CD109: variants seen among roughly 807,000 people sequenced by gnomAD.
CD109 encodes the protein CD109 molecule, also known as CD109 antigen.
A neutral mutation model predicts 165.8 loss-of-function variants in CD109; 149 were observed. The observed-to-expected ratio is 0.90, with a 90% CI of 0.79 to 1.03. CD109 has a LOEUF of 1.03. CD109 is among the 50% of genes least tolerant of loss of function. The probability of loss-of-function intolerance (pLI) is 0.00; values close to 1 mark genes in which losing one functional copy is unlikely to be tolerated. For synonymous variants in CD109, 585 were observed against 592.1 expected (o/e 0.99, Z 0.18); for missense variants, 1,712 against 1,677.8 (o/e 1.02, Z -0.36).
chr6:73,707,402 T>TGGA (rs1771319975), intron 2 of CD109, among the ~76,000 whole-genome samples: 1 of 150,720 alleles, frequency 6.6e-6, no homozygotes, highest in African/African-American at 2.4e-5. Context: ...TAAATGAGAG[T>TGGA]GGAGTAAGCT....
At chr6:73,690,997 C>G (rs958090729), upstream of CD109, among the ~76,000 whole-genome samples, 1 of 152,106 alleles carries the variant, frequency 6.6e-6, no homozygotes, top group African/African-American at 2.4e-5. Flanking sequence ...CCTCTCACCC[C>G]TTCTCCAGGG....
chr6:73,695,837 G>A (rs1770799547), upstream of CD109: 1 of 284,694 alleles, frequency 3.5e-6, no homozygotes, highest in Non-Finnish European at 6.7e-6. Flanking sequence ...CTCACCCTGG[G>A]CATCGTTGGT....
At chr6:73,807,467 A>T (rs1775608551) in intron 25 of CD109, among the ~76,000 whole-genome samples, 1 of 152,156 alleles carries the variant, frequency 6.6e-6, no homozygotes, top group Non-Finnish European at 1.5e-5. Context: ...GAACAGTTAC[A>T]ATATCTGTTA....
chr6:73,823,658 ACAC>A lies in CD109; in HGVS notation c.*26_*28del. On this transcript the variant is annotated 3_prime_UTR_variant, in exon 33 of 33. Coordinates refer to ENST00000287097, the MANE Select transcript of CD109 (RefSeq NM_133493.5). Reference sequence around the variant, plus strand: ...ATTTATTTTTAAAGGACTCTGTGTAACACTAACATTTCCAGTAGTCACATGTGA... The same window carrying A: ...ATTTATTTTTAAAGGACTCTGTGTAATAACATTTCCAGTAGTCACATGTGA... The A allele has an allele frequency of 6.4e-7, 1 of 1,571,104 alleles. No individual in the cohort carries two copies. The highest frequency in any genetic ancestry group is 8.7e-7 in the Non-Finnish European group (1 of 1,149,622).
At chr6:73,748,783 G>A (rs1226353633) in intron 5 of CD109, among the ~76,000 whole-genome samples, 1 of 152,150 alleles carries the variant, frequency 6.6e-6, no homozygotes, top group Non-Finnish European at 1.5e-5. Context: ...GACCACAGGT[G>A]TTTAGACTCT....
At chr6:73,696,024 G>A, upstream of CD109, 2 of 576,926 alleles carry the variant, frequency 3.5e-6, no homozygotes, top group Admixed American at 2.8e-5. Flanking sequence ...ATTGTAATGG[G>A]GATGGGAGGG....
At chr6:73,690,752 T>A in the CD109 span, among the ~76,000 whole-genome samples, 1 of 152,202 alleles carries the variant, frequency 6.6e-6, no homozygotes, top group Non-Finnish European at 1.5e-5. Context: ...GAGGAAATGC[T>A]TATGATGGAA....
chr6:73,801,750 A>T lies in CD109; in HGVS notation c.2879-1470A>T, dbSNP rs146759857. Among the ~76,000 whole-genome samples, 295 of 152,338 alleles carry T rather than the reference A, an allele frequency of 1.9e-3. 1 individual carries two copies. Among genetic ancestry groups the T allele is most frequent in the African/African-American group, 6.9e-3 (285 of 41,574 alleles). Reference sequence around the variant, plus strand: ...TGCTTCTAAAATATGGTATTTATAAAGTCAAATTTGTTTATTACTGCAGTT... The same window carrying T: ...TGCTTCTAAAATATGGTATTTATAATGTCAAATTTGTTTATTACTGCAGTT... On this transcript the variant is annotated intron_variant, in intron 23 of 32. Transcript: ENST00000287097.
At chr6:73,697,113 C>T (rs1770870846) in intron 1 of CD109, among the ~76,000 whole-genome samples, 1 of 152,194 alleles carries the variant, frequency 6.6e-6, no homozygotes, top group African/African-American at 2.4e-5. Flanking sequence ...CCATTTACAT[C>T]ATGGTTCCTT....
chr6:73,745,558 G>A (rs993312463), intron 5 of CD109, among the ~76,000 whole-genome samples: 9 of 152,150 alleles, frequency 5.9e-5, no homozygotes, highest in Admixed American at 5.2e-4. Flanking sequence ...TGTTCCCAAC[G>A]TGTCCCAGAT....
At chr6:73,792,543 G>A in intron 22 of CD109, 83 bp from the exon 23 acceptor site, 1 of 1,166,350 alleles carries the variant, frequency 8.6e-7, no homozygotes, top group Non-Finnish European at 1.3e-6. Flanking sequence ...GAGGTCTTCT[G>A]TACTCAGTGG....
chr6:73,818,465 C>G lies in CD109; in HGVS notation c.3989C>G (p.Ala1330Gly). The change falls in exon 31 of 33, where the codon GCA (alanine) becomes GGA (glycine). Residue 1330 changes from alanine to glycine, a missense_variant. Ala to Gly is a moderately conservative substitution (Grantham distance 60). Coordinates refer to ENST00000287097, the MANE Select transcript of CD109 (RefSeq NM_133493.5). ...LLSGFMVPSE[A>G]ISLSETVKKV... ...AGTGGCTTTATGGTGCCTTCAGAAG[C>G]AATTTCTCTGAGCGAGACAGTGAAG... The G allele has an allele frequency of 6.2e-7, 1 of 1,613,596 alleles. No individual in the cohort carries two copies. Among genetic ancestry groups the G allele is most frequent in the Non-Finnish European group, 8.5e-7 (1 of 1,179,810 alleles).
chr6:73,706,432 T>C (rs147462392), intron 2 of CD109, among the ~76,000 whole-genome samples: 10 of 152,302 alleles, frequency 6.6e-5, no homozygotes, highest in African/African-American at 1.2e-4. Context: ...TATGCCTCAG[T>C]TGAAGCTCGA....
chr6:73,825,063 TTTAAAG>T lies in CD109; in HGVS notation c.*1435_*1440del, dbSNP rs1776229524. 1 of 152,234 alleles carries T rather than the reference TTTAAAG, an allele frequency of 6.6e-6. No homozygotes were observed. 9.4% of individuals were successfully genotyped at this position (152,234 alleles called of 1,614,324 possible). A position where few individuals can be genotyped will look rare whatever the true frequency, so the allele number is the denominator to read the frequency against. On this transcript the variant is annotated 3_prime_UTR_variant, in exon 33 of 33. Transcript: ENST00000287097. ...AAAAATAAAGTATGCAAATGTATCT[TTTAAAG>T]TTAATTTTTAAAAATGCTCTTATTT...
At chr6:73,806,200 A>C in intron 24 of CD109, among the ~76,000 whole-genome samples, 1 of 152,226 alleles carries the variant, frequency 6.6e-6, no homozygotes, top group East Asian at 1.9e-4. Context: ...GGATGAGTTC[A>C]TGTCCTTTGT....
At chr6:73,755,899 TTCA>T (rs1773371066) in intron 5 of CD109, among the ~76,000 whole-genome samples, 3 of 152,044 alleles carry the variant, frequency 2.0e-5, no homozygotes, top group Non-Finnish European at 4.4e-5. Flanking sequence ...AGGTTGAGGC[TTCA>T]GTGAGCTGTG....
At chr6:73,715,643 G>T (rs1268489295) in intron 2 of CD109, among the ~76,000 whole-genome samples, 1 of 151,708 alleles carries the variant, frequency 6.6e-6, no homozygotes, top group African/African-American at 2.4e-5. Context: ...AATTGTTGTG[G>T]ATACATAGAA....
chr6:73,816,036 C>A (rs537362163), intron 30 of CD109, among the ~76,000 whole-genome samples: 1 of 152,186 alleles, frequency 6.6e-6, no homozygotes, highest in Non-Finnish European at 1.5e-5. Context: ...TCTTCAAGGT[C>A]ATCTCTGGGT....
chr6:73,751,567 G>T (rs1773189542), intron 5 of CD109, among the ~76,000 whole-genome samples: 1 of 152,188 alleles, frequency 6.6e-6, no homozygotes, highest in Admixed American at 6.5e-5. Flanking sequence ...ACATTCAGGA[G>T]ATGCAGACCA....
Sources: allele counts gnomAD v4.1 joint callset (sites outside exome capture counted in the v4.1 genomes callset), GRCh38; gene constraint gnomAD v4.1.1; transcripts MANE v1.5; gene names NCBI Gene and HGNC (gene_info 2026-07-23, HGNC 2026-07-21).